Variants in PTPRG observed in about 807,000 individuals in gnomAD.
PTPRG encodes the protein receptor-type tyrosine-protein phosphatase gamma.
Under a neutral mutation model 165.3 loss-of-function variants are expected in PTPRG, and 102 were observed. The observed-to-expected ratio is 0.62, with a 90% confidence interval of 0.53 to 0.73. The LOEUF (loss-of-function observed/expected upper bound fraction) is 0.73, where lower values mean the gene tolerates loss of function less well. PTPRG is among the 30% of genes least tolerant of loss of function. The pLI, the probability that PTPRG is intolerant of heterozygous loss-of-function variation, is 0.00. For synonymous variants in PTPRG, 675 were observed against 669.5 expected (o/e 1.01, Z -0.13); for missense variants, 1,866 against 1,861.4 (o/e 1.00, Z -0.05).
intron 2 of PTPRG, among the ~76,000 whole-genome samples, chr3:61,877,325 T>C (rs775363979): frequency 3.9e-5 from 6 of 152,156 alleles, no homozygotes; most frequent in Non-Finnish European, 5.9e-5. Context: ...TCTGCAGCAT[T>C]GGAGAGATGT....
chr3:61,887,393 G>A (rs1243720313), intron 2 of PTPRG, among the ~76,000 whole-genome samples: 1 of 151,946 alleles, frequency 6.6e-6, no homozygotes, highest in Non-Finnish European at 1.5e-5. Context: ...AAAGAGTCCA[G>A]CAAAACTTTG....
rs11451025 is a variant in PTPRG at position 61,567,965 on chromosome 3, CAAA to C, written c.85+5611_85+5613del. On this transcript the variant is annotated intron_variant, in intron 1 of 29. Coordinates refer to ENST00000474889, the MANE Select transcript of PTPRG (RefSeq NM_002841.4). ...TGGGCGACATAGTGAGACCCTGCCT[CAAA>C]AAAAAAAAAAAAAAAAAGTTCATTT... 2.9e-4 allele frequency among the ~76,000 whole-genome samples: 36 copies of C among 124,248 alleles called. 1 individual carries two copies. The highest frequency in any genetic ancestry group is 2.5e-3 in the Admixed American group (30 of 11,822). The allele number at this position is 124,248 out of a possible 152,430, so 81.5% of individuals were successfully genotyped here.
rs553659767 is a variant in PTPRG at position 61,665,722 on chromosome 3, G to A, written c.86-83156G>A. Among the ~76,000 whole-genome samples the A allele has an allele frequency of 4.6e-5, 7 of 152,216 alleles. No individual in the cohort carries two copies. In the South Asian group the frequency reaches 1.2e-3, roughly 27 times the overall value. On this transcript the variant is annotated intron_variant, in intron 1 of 29. Transcript: ENST00000474889. ...ATGCACCTGTAGTCCCAACTACAGA[G>A]GATGCTGAGGTGGGAGGATCGCTTG...
chr3:62,263,562 G>C (rs1450856948), intron 17 of PTPRG: 1 of 152,388 alleles, frequency 6.6e-6, no homozygotes, highest in Non-Finnish European at 1.5e-5. Flanking sequence ...CTAAGGGTAG[G>C]GGCATAGATA....
intron 1 of PTPRG, among the ~76,000 whole-genome samples, chr3:61,601,822 T>C (rs1290942297): frequency 6.6e-6 from 1 of 152,224 alleles, no homozygotes; most frequent in African/African-American, 2.4e-5. Flanking sequence ...GTTGGGTGGA[T>C]TGCCACCTAT....
chr3:61,863,382 A>G (rs2037324514), intron 2 of PTPRG, among the ~76,000 whole-genome samples: 1 of 152,174 alleles, frequency 6.6e-6, no homozygotes, highest in Admixed American at 6.5e-5. Flanking sequence ...ACTTTGTTTT[A>G]TGTTTGAGCA....
At chr3:61,860,434 CT>C (rs766688465) in intron 2 of PTPRG, among the ~76,000 whole-genome samples, 8,075 of 95,316 alleles carry the variant, frequency 0.085, 81 homozygotes, top group East Asian at 0.26. Flanking sequence ...GTTTTTGTTC[CT>C]TTTTTTTTTT....
chr3:61,738,660 G>C (rs2032858641), intron 1 of PTPRG, among the ~76,000 whole-genome samples: 1 of 151,228 alleles, frequency 6.6e-6, no homozygotes, highest in South Asian at 2.1e-4. Context: ...GTGTTAGGCA[G>C]TCACAATTAC....
chr3:61,646,567 G>C lies in PTPRG; in HGVS notation c.85+84195G>C, dbSNP rs151279811. 1.6e-3 allele frequency among the ~76,000 whole-genome samples: 239 copies of C among 152,282 alleles called. 2 individuals are homozygous for C. Among genetic ancestry groups the C allele is most frequent in the Non-Finnish European group, 2.5e-3 (168 of 68,018 alleles). On this transcript the variant is annotated intron_variant, in intron 1 of 29. Coordinates refer to ENST00000474889, the MANE Select transcript of PTPRG (RefSeq NM_002841.4). Reference sequence around the variant, plus strand: ...CAATGATGCATTCTATATACTTATAGTGTAATATCAAAACCAAGAAACTGA... The same window carrying C: ...CAATGATGCATTCTATATACTTATACTGTAATATCAAAACCAAGAAACTGA...
At chr3:62,247,718 A>G (rs1033302611) in intron 15 of PTPRG, among the ~76,000 whole-genome samples, 1 of 152,192 alleles carries the variant, frequency 6.6e-6, no homozygotes, top group Non-Finnish European at 1.5e-5. Context: ...TTAGACACTA[A>G]CTCAGCAACT....
Position 62,282,902 on chromosome 3 carries a change from A to T in PTPRG, c.4055+33A>T, listed in dbSNP as rs888126736. 1.8e-5 allele frequency: 28 copies of T among 1,565,794 alleles called. 1 individual carries two copies. The African/African-American group carries it at 2.8e-4, about 16-fold the overall frequency. On this transcript the variant is annotated intron_variant, in intron 28 of 29. Transcript: ENST00000474889. ...TCTGTTTCTTAATTTTAAAATGTAG[A>T]CCGTTTTTTTGTTTAATTTCTTGTT...
At chr3:61,660,489 A>G (rs1702626716) in intron 1 of PTPRG, among the ~76,000 whole-genome samples, 1 of 152,178 alleles carries the variant, frequency 6.6e-6, no homozygotes, top group African/African-American at 2.4e-5. Flanking sequence ...CTGAGGCTGG[A>G]CTGTCTGGGT....
intron 4 of PTPRG, among the ~76,000 whole-genome samples, chr3:62,045,195 C>T (rs906075210): frequency 6.6e-6 from 1 of 152,152 alleles, no homozygotes; most frequent in African/African-American, 2.4e-5. Flanking sequence ...TGAATATTCG[C>T]TGTTCAATTC....
rs115480021 is a variant in PTPRG, at chr3:61,706,255, C to T, written c.86-42623C>T. Among the ~76,000 whole-genome samples the T allele has an allele frequency of 4.0e-3, 615 of 152,182 alleles. 6 individuals are homozygous for T. Among genetic ancestry groups the T allele is most frequent in the African/African-American group, 0.014 (584 of 41,532 alleles). Reference sequence around the variant, plus strand: ...AAATGTACAGAATACAACTGGGAGCCGTCCCATTGAGTAAGTGCCCAATGT... The same window carrying T: ...AAATGTACAGAATACAACTGGGAGCTGTCCCATTGAGTAAGTGCCCAATGT... On this transcript the variant is annotated intron_variant, in intron 1 of 29. Transcript: ENST00000474889.
intron 5 of PTPRG, among the ~76,000 whole-genome samples, chr3:62,105,070 TA>T (rs34174025): frequency 0.72 from 109,272 of 152,076 alleles, 39,573 homozygotes; most frequent in Middle Eastern, 0.79. Flanking sequence ...ACGCCTCAGT[TA>T]AAAGAACTGT....
chr3:61,838,452 C>T (rs954333164), intron 2 of PTPRG, among the ~76,000 whole-genome samples: 1 of 152,150 alleles, frequency 6.6e-6, no homozygotes, highest in Non-Finnish European at 1.5e-5. Context: ...ATCATACCTT[C>T]AAGTTTTTCA....
At chr3:62,113,677 C>T (rs1206917830) in intron 5 of PTPRG, among the ~76,000 whole-genome samples, 2 of 152,162 alleles carry the variant, frequency 1.3e-5, no homozygotes, top group African/African-American at 2.4e-5. Context: ...TGGAGGGAAC[C>T]AGTAAGGTTT....
intron 1 of PTPRG, among the ~76,000 whole-genome samples, chr3:61,573,609 A>G (rs1048382215): frequency 6.6e-6 from 1 of 152,170 alleles, no homozygotes; most frequent in African/African-American, 2.4e-5. Flanking sequence ...TGTGATTCAG[A>G]GCCAAATTAG....
At position 62,069,677 on chromosome 3, in the gene PTPRG, C is replaced by CTG. The variant is rs1208488659; in HGVS notation, c.520-8485_520-8484insGT. The stretch of plus-strand genomic sequence containing the variant: ...TCTCTCTCTCTCTCTCTCTCTCTCT[C>CTG]TCTCTCTCACACACAGACACACGCA... On this transcript the variant is annotated intron_variant, in intron 4 of 29. Transcript: ENST00000474889. Among the ~76,000 whole-genome samples, 505 of 146,648 alleles carry CTG rather than the reference C, an allele frequency of 3.4e-3. 8 individuals carry two copies. The highest frequency in any genetic ancestry group is 0.012 in the African/African-American group (473 of 38,576).
Sources: allele counts gnomAD v4.1 joint callset (sites outside exome capture counted in the v4.1 genomes callset), GRCh38; gene constraint gnomAD v4.1.1; transcripts MANE v1.5; gene names NCBI Gene and HGNC (gene_info 2026-07-23, HGNC 2026-07-21).